GALNT9: variants seen among roughly 807,000 people sequenced by gnomAD.
GALNT9 encodes polypeptide N-acetylgalactosaminyltransferase 9, also known as GalNAc transferase 9.
GALNT9 carries 47 observed loss-of-function variants against 63.1 expected under a neutral mutation model. The observed-to-expected ratio is 0.75, with a 90% CI of 0.59 to 0.95. The LOEUF is 0.95. GALNT9 is among the 40% of genes least tolerant of loss of function. GALNT9 has a pLI of 0.00. For missense variants in GALNT9, 829 were observed against 874.8 expected, an observed-to-expected ratio of 0.95 and a Z score of 0.66; for synonymous variants, 396 against 365.7, an observed-to-expected ratio of 1.08 and a Z score of -0.94.
Position 132,286,688 on chromosome 12 carries a change from G to A in GALNT9, c.239-258C>T, listed in dbSNP as rs1158538219. Among the ~76,000 whole-genome samples the A allele has an allele frequency of 2.0e-5, 3 of 152,204 alleles. No homozygotes were observed. The highest frequency in any genetic ancestry group is 7.2e-5 in the African/African-American group (3 of 41,452). On this transcript the variant is annotated intron_variant, in intron 1 of 10. Coordinates refer to ENST00000328957, the MANE Select transcript of GALNT9 (RefSeq NM_001122636.2). The surrounding 1 kb of genome is among the most constrained non-coding windows in gnomAD (Gnocchi z 7.4). Reference sequence around the variant, plus strand: ...AGGCGTTGAAGGCAGTGGACTCTGTGTGATGCTGCAATGGTGGATATCTGT... The same window carrying A: ...AGGCGTTGAAGGCAGTGGACTCTGTATGATGCTGCAATGGTGGATATCTGT...
intron 1 of GALNT9, among the ~76,000 whole-genome samples, chr12:132,326,885 T>G (rs1026455856): frequency 6.6e-6 from 1 of 152,174 alleles, no homozygotes; most frequent in South Asian, 2.1e-4. Flanking sequence ...AAGGGCCTCA[T>G]GGCGACAGAC....
Position 132,286,359 on chromosome 12 carries a change from G to T in GALNT9, c.310C>A (p.Arg104Ser), listed in dbSNP as rs1412189372. ...LGQGGLAATL[R>S]DDGQEAEGKY... is the part of the protein sequence containing the mutation. ...CCTTCCGCCTCCTGGCCGTCATCAC[G>T]CAGGGTGGCCGCCAAGCCACCCTGG... The change falls in exon 2 of 11, where the codon CGT (arginine) becomes AGT (serine). Residue 104 changes from arginine to serine, a missense_variant. Physicochemically the swap from Arg to Ser is moderately radical, Grantham distance 110. Coordinates refer to ENST00000328957, the MANE Select transcript of GALNT9 (RefSeq NM_001122636.2). The surrounding 1 kb of genome is among the most constrained non-coding windows in gnomAD (Gnocchi z 7.4). The T allele has an allele frequency of 2.6e-6, 4 of 1,550,720 alleles. No individual in the cohort carries two copies. The highest frequency in any genetic ancestry group is 3.5e-6 in the Non-Finnish European group (4 of 1,146,866).
At chr12:132,305,006 T>G (rs146077714) in intron 1 of GALNT9, among the ~76,000 whole-genome samples, 37 of 2,976 alleles carry the variant, frequency 0.012, no homozygotes, top group Non-Finnish European at 0.013. Flanking sequence ...CCCGGGCACA[T>G]CCTCACCGGG....
intron 8 of GALNT9, chr12:132,200,823 T>C (rs1876009272): frequency 7.4e-6 from 3 of 404,214 alleles, no homozygotes; most frequent in South Asian, 5.9e-5. Context: ...CACACCTGCC[T>C]GCCTCTAGGG....
rs548603670 is a variant in GALNT9, at chr12:132,329,297, G to T, written c.-94C>A. On this transcript the variant is annotated 5_prime_UTR_variant, in exon 1 of 11. Transcript: ENST00000328957. ...GCTTCGGCTTCGGGGACCATGAGCC[G>T]CCCGGGGCTGCGGGGGCTGCGGGGC... 5.5e-6 allele frequency: 8 copies of T among 1,454,904 alleles called. No homozygotes were observed. In the Admixed American group the frequency reaches 6.8e-5, roughly 12 times the overall value. 90.1% of individuals were successfully genotyped at this position (1,454,904 alleles called of 1,614,324 possible).
chr12:132,257,082 C>T (rs142518877), intron 5 of GALNT9, among the ~76,000 whole-genome samples: 28 of 152,274 alleles, frequency 1.8e-4, no homozygotes, highest in African/African-American at 6.5e-4. Flanking sequence ...GGCCAGTGAG[C>T]CTGCTCCTGC....
intron 5 of GALNT9, among the ~76,000 whole-genome samples, chr12:132,253,124 T>G (rs1428528168): frequency 6.6e-6 from 1 of 152,194 alleles, no homozygotes; most frequent in East Asian, 1.9e-4. Flanking sequence ...TCAAAGACTT[T>G]AAGACTTCCA....
chr12:132,201,398 C>CCCCATCCGG (rs1487542552), intron 7 of GALNT9, 137 bp from the exon 8 acceptor site: 1 of 568,930 alleles, frequency 1.8e-6, no homozygotes, highest in Non-Finnish European at 3.1e-6. Flanking sequence ...GATGCTGAGG[C>CCCCATCCGG]CCCATCCAGT....
chr12:132,215,363 C>T (rs377231333), intron 6 of GALNT9, among the ~76,000 whole-genome samples: 4 of 152,248 alleles, frequency 2.6e-5, no homozygotes, highest in Admixed American at 6.5e-5. Context: ...GAGGCCAGGA[C>T]GCGGCGCCCG....
intron 1 of GALNT9, among the ~76,000 whole-genome samples, chr12:132,314,279 T>C (rs1868404061): frequency 6.7e-6 from 1 of 149,440 alleles, no homozygotes; most frequent in South Asian, 2.2e-4. Flanking sequence ...ACTAAGCACA[T>C]ACTATACATC....
rs58703305 is a variant in GALNT9, at chr12:132,303,077, G to GTC, written c.239-16649_239-16648dup. 9.5e-3 allele frequency among the ~76,000 whole-genome samples: 1,438 copies of GTC among 150,864 alleles called. 20 individuals are homozygous for GTC. Among genetic ancestry groups the GTC allele is most frequent in the African/African-American group, 0.033 (1,355 of 40,560 alleles). The stretch of plus-strand genomic sequence containing the variant: ...AGACGCGGTTTCCCACCCTCTGTCT[G>GTC]TCTCTCTCTCGGGAAAGCCTCCCTG... On this transcript the variant is annotated intron_variant, in intron 1 of 10. Transcript: ENST00000328957.
At position 132,245,674 on chromosome 12, in the gene GALNT9, C is replaced by T. The variant is rs1030838343; in HGVS notation, c.1077+2236G>A. ...ACCCCCAGCCCGGCCTGCTGACCCT[C>T]GCCCACCACACAGGTTCGCTGTCGT... On this transcript the variant is annotated intron_variant, in intron 6 of 10. Coordinates refer to ENST00000328957, the MANE Select transcript of GALNT9 (RefSeq NM_001122636.2). This position sits in a 1 kb window ranked among gnomAD's most constrained non-coding sequence, Gnocchi z 6.3. 3.3e-5 allele frequency among the ~76,000 whole-genome samples: 5 copies of T among 152,240 alleles called. No homozygotes were observed. Among genetic ancestry groups the T allele is most frequent in the Non-Finnish European group, 7.3e-5 (5 of 68,038 alleles).
chr12:132,230,937 C>T (rs1016623274), intron 6 of GALNT9, among the ~76,000 whole-genome samples: 4,589 of 152,260 alleles, frequency 0.03, 207 homozygotes, highest in African/African-American at 0.1. Context: ...CTCTTCTGGG[C>T]ACTGGAAAAG....
At position 132,202,435 on chromosome 12, in the gene GALNT9, T is replaced by C. The variant is rs756853098; in HGVS notation, c.1263+1070A>G. Reference sequence around the variant, plus strand: ...GGCTGGATGCTGGATTTGCAGTGAATGGTCCAGCCCGGGGCCACTTCAGGC... The same window carrying C: ...GGCTGGATGCTGGATTTGCAGTGAACGGTCCAGCCCGGGGCCACTTCAGGC... On this transcript the variant is annotated intron_variant, in intron 7 of 10. Coordinates refer to ENST00000328957, the MANE Select transcript of GALNT9 (RefSeq NM_001122636.2). 8.4e-4 allele frequency among the ~76,000 whole-genome samples: 128 copies of C among 152,288 alleles called. No individual in the cohort carries two copies. In the Middle Eastern group the frequency reaches 0.01, roughly 12 times the overall value.
At chr12:132,326,143 A>C (rs1869026472) in intron 1 of GALNT9, among the ~76,000 whole-genome samples, 1 of 152,232 alleles carries the variant, frequency 6.6e-6, no homozygotes, top group African/African-American at 2.4e-5. Flanking sequence ...TAAAGGCAGA[A>C]GGGTTTGAAT....
chr12:132,281,290 C>T (rs1460400991), intron 2 of GALNT9, among the ~76,000 whole-genome samples: 5 of 152,206 alleles, frequency 3.3e-5, no homozygotes, highest in African/African-American at 1.2e-4. Flanking sequence ...ACCGGGGAAG[C>T]TCCAGGCTGG....
intron 1 of GALNT9, among the ~76,000 whole-genome samples, chr12:132,313,694 T>C (rs1223877552): frequency 9.9e-4 from 57 of 57,382 alleles, no homozygotes; most frequent in East Asian, 1.9e-3. Context: ...ATCCATCCAT[T>C]CACCCACCTA....
At chr12:132,216,482 C>T (rs1877200033) in intron 6 of GALNT9, among the ~76,000 whole-genome samples, 1 of 152,260 alleles carries the variant, frequency 6.6e-6, no homozygotes, top group Admixed American at 6.5e-5. Flanking sequence ...GAGCCAGGAC[C>T]TGGGTGCTGA....
At chr12:132,328,112 G>A (rs189162765) in intron 1 of GALNT9, among the ~76,000 whole-genome samples, 1 of 152,312 alleles carries the variant, frequency 6.6e-6, no homozygotes, top group Admixed American at 6.5e-5. Flanking sequence ...CCGGTGCAGA[G>A]TGGCCTTGGG....
Sources: gnomAD v4.1 joint callset for allele counts (sites outside exome capture counted in the v4.1 genomes callset) on GRCh38, gnomAD v4.1.1 for gene constraint, Gnocchi (gnomAD v3.1) non-coding constraint, MANE v1.5 for transcripts, NCBI Gene and HGNC (gene_info 2026-07-23, HGNC 2026-07-21) for gene names.